GLCCI1: variants seen among roughly 807,000 people sequenced by gnomAD.
The protein encoded by GLCCI1 is glucocorticoid induced 1.
Under a neutral mutation model 52.2 loss-of-function variants are expected in GLCCI1, and 24 were observed. The ratio of observed to expected loss-of-function variants is 0.46; its 90% confidence interval spans 0.33 to 0.65. GLCCI1 has a LOEUF of 0.65. Among genes scored for constraint, GLCCI1 ranks in the 30% least tolerant of loss-of-function variants. GLCCI1 has a pLI of 0.02. For synonymous variants in GLCCI1, 310 were observed against 276.5 expected (o/e 1.12, Z -1.20); for missense variants, 704 against 701.5 (o/e 1.00, Z -0.04).
intron 1 of GLCCI1, among the ~76,000 whole-genome samples, chr7:7,999,566 C>T (rs973254055): frequency 2.6e-5 from 4 of 151,658 alleles, no homozygotes; most frequent in South Asian, 4.2e-4. Flanking sequence ...ACGATCACGC[C>T]GGTACACTCC....
At chr7:7,988,684 G>T (rs535803057) in intron 1 of GLCCI1, among the ~76,000 whole-genome samples, 1 of 152,198 alleles carries the variant, frequency 6.6e-6, no homozygotes, top group African/African-American at 2.4e-5. Context: ...AGATGATGAT[G>T]CTTATGCAAT....
intron 2 of GLCCI1, among the ~76,000 whole-genome samples, chr7:8,011,114 G>C (rs927190421): frequency 2.0e-5 from 3 of 150,740 alleles, no homozygotes; most frequent in African/African-American, 7.4e-5. Flanking sequence ...GTGAGACTCT[G>C]TCTCCTCCCA....
In GLCCI1 at chr7:7,982,478, CA is replaced by C. The variant is rs1258204943; in HGVS notation, c.457+12672del. Reference sequence around the variant, plus strand: ...TAGTCTTCATTTTTGAAGTCTTTCACATTTTTACTCTTCTTTTAAAATGAAG... The same window carrying C: ...TAGTCTTCATTTTTGAAGTCTTTCACTTTTTACTCTTCTTTTAAAATGAAG... On this transcript the variant is annotated intron_variant, in intron 1 of 7. Transcript: ENST00000223145. 2.6e-5 allele frequency among the ~76,000 whole-genome samples: 4 copies of C among 152,108 alleles called. No individual in the cohort carries two copies. The East Asian group carries it at 7.7e-4, about 29-fold the overall frequency.
intron 6 of GLCCI1, among the ~76,000 whole-genome samples, chr7:8,078,454 G>C (rs180699288): frequency 3.9e-5 from 6 of 152,060 alleles, no homozygotes; most frequent in African/African-American, 1.2e-4. Context: ...CAGCAATTTT[G>C]AATCTGTACC....
At chr7:7,988,136 C>T (rs1001929914) in intron 1 of GLCCI1, among the ~76,000 whole-genome samples, 35 of 152,094 alleles carry the variant, frequency 2.3e-4, no homozygotes, top group African/African-American at 8.2e-4. Flanking sequence ...CCCCAAATCC[C>T]AAAACCTAGA....
chr7:7,984,384 C>T (rs1480577907), intron 1 of GLCCI1, among the ~76,000 whole-genome samples: 5 of 152,140 alleles, frequency 3.3e-5, no homozygotes, highest in African/African-American at 7.2e-5. Flanking sequence ...AGAAACTAAA[C>T]CATCCATGCC....
intron 5 of GLCCI1, among the ~76,000 whole-genome samples, chr7:8,067,822 G>A (rs1445042112): frequency 7.9e-5 from 12 of 152,102 alleles, no homozygotes; most frequent in African/African-American, 2.9e-4. Context: ...TGATGATTAT[G>A]TATCTTGGGA....
At chr7:7,991,703 A>G (rs572746351) in intron 1 of GLCCI1, among the ~76,000 whole-genome samples, 1 of 152,070 alleles carries the variant, frequency 6.6e-6, no homozygotes, top group Non-Finnish European at 1.5e-5. Flanking sequence ...CAAGGCTTCT[A>G]TCTTTTCTAC....
intron 5 of GLCCI1, among the ~76,000 whole-genome samples, chr7:8,061,911 C>T (rs1782525271): frequency 1.3e-5 from 2 of 151,554 alleles, no homozygotes; most frequent in African/African-American, 2.4e-5. Context: ...AAGTGATCCG[C>T]CCACCTCGGC....
At chr7:7,979,452 T>C (rs1225551833) in intron 1 of GLCCI1, among the ~76,000 whole-genome samples, 3 of 149,556 alleles carry the variant, frequency 2.0e-5, no homozygotes, top group Non-Finnish European at 3.0e-5. Flanking sequence ...GCTTGAGCTT[T>C]TTCTGGTGTT....
At chr7:8,046,136 C>A (rs1029793498) in intron 3 of GLCCI1, among the ~76,000 whole-genome samples, 2 of 149,830 alleles carry the variant, frequency 1.3e-5, no homozygotes, top group African/African-American at 5.0e-5. Flanking sequence ...GTTGGCATAA[C>A]GGAAGAGAGA....
intron 3 of GLCCI1, among the ~76,000 whole-genome samples, chr7:8,053,046 A>G (rs928533457): frequency 1.8e-4 from 24 of 130,894 alleles, no homozygotes; most frequent in African/African-American, 6.9e-4. Flanking sequence ...ATTTATGCAA[A>G]TGTTAACAGT....
chr7:8,075,169 TC>T (rs1220121290), intron 6 of GLCCI1, among the ~76,000 whole-genome samples: 1 of 152,220 alleles, frequency 6.6e-6, no homozygotes, highest in East Asian at 1.9e-4. Flanking sequence ...TTGGTTTTTT[TC>T]TTTGCCTGTA....
intron 3 of GLCCI1, among the ~76,000 whole-genome samples, chr7:8,023,243 C>T (rs1387047964): frequency 6.6e-6 from 1 of 152,158 alleles, no homozygotes; most frequent in African/African-American, 2.4e-5. Context: ...TCTCAATCTC[C>T]TGACCTCGTG....
intron 6 of GLCCI1, among the ~76,000 whole-genome samples, chr7:8,083,092 C>A (rs533327292): frequency 6.6e-6 from 1 of 152,262 alleles, no homozygotes; most frequent in Admixed American, 6.5e-5. Context: ...ATGGAGGCAT[C>A]TCATGCCATA....
Position 8,086,595 on chromosome 7 carries a change from C to A in GLCCI1, c.*57C>A. 2 of 1,372,358 alleles carry A rather than the reference C, an allele frequency of 1.5e-6. No individual in the cohort carries two copies. Among genetic ancestry groups the A allele is most frequent in the South Asian group, 1.4e-5 (1 of 72,246 alleles). 85.0% of individuals were successfully genotyped at this position (1,372,358 alleles called of 1,614,324 possible). On this transcript the variant is annotated 3_prime_UTR_variant, in exon 8 of 8. Transcript: ENST00000223145. This position sits in a 1 kb window ranked among gnomAD's most constrained non-coding sequence, Gnocchi z 4.4. ...CATGGATTCGGAACAAGATTTCAGACATCTGCATGAGTGACAAACTTTCTG... is the reference window on the plus strand; with the variant it reads ...CATGGATTCGGAACAAGATTTCAGAAATCTGCATGAGTGACAAACTTTCTG...
rs144398658 is a variant in GLCCI1, at chr7:8,011,516, A to G, written c.609+7457A>G. Among the ~76,000 whole-genome samples the G allele has an allele frequency of 1.2e-3, 177 of 152,276 alleles. 1 individual carries two copies. The highest frequency in any genetic ancestry group is 4.1e-3 in the African/African-American group (171 of 41,514). On this transcript the variant is annotated intron_variant, in intron 2 of 7. Transcript: ENST00000223145. ...CAGAATAATATTCCATTAGATATAC[A>G]TACCACATTTTCTTTATCCATTCGT...
chr7:8,088,240 T>TTGTGTGTGTGTGTGTGTGTG lies in GLCCI1; in HGVS notation c.*1714_*1733dup, dbSNP rs58360790. On this transcript the variant is annotated 3_prime_UTR_variant, in exon 8 of 8. Coordinates refer to ENST00000223145, the MANE Select transcript of GLCCI1 (RefSeq NM_138426.4). ...AGAAATGATATATATATGTATATGT[T>TTGTGTGTGTGTGTGTGTGTG]TGTGTGTGTGTGTGTGTGTGTGTGT... The TTGTGTGTGTGTGTGTGTGTG allele has an allele frequency of 6.8e-6, 1 of 147,368 alleles. No homozygotes were observed. The highest frequency in any genetic ancestry group is 1.5e-5 in the Non-Finnish European group (1 of 66,782). The allele number at this position is 147,368 out of a possible 1,614,324, so 9.1% of individuals were successfully genotyped here.
chr7:8,085,803 G>A (rs997281208), intron 7 of GLCCI1, among the ~76,000 whole-genome samples: 4 of 152,236 alleles, frequency 2.6e-5, no homozygotes, highest in Admixed American at 2.6e-4. Flanking sequence ...AAAGGAGAAA[G>A]TGTTTAAATA....
Sources: allele counts gnomAD v4.1 joint callset (sites outside exome capture counted in the v4.1 genomes callset), GRCh38; gene constraint gnomAD v4.1.1; non-coding constraint Gnocchi (gnomAD v3.1); transcripts MANE v1.5; gene names NCBI Gene and HGNC (gene_info 2026-07-23, HGNC 2026-07-21).